Variants in PDE4D observed in about 807,000 individuals in gnomAD.
PDE4D encodes the protein 3',5'-cyclic-AMP phosphodiesterase 4D.
Under a neutral mutation model 87.4 loss-of-function variants are expected in PDE4D, and 24 were observed. That is an observed-to-expected ratio of 0.27 (90% CI 0.20 to 0.39). The LOEUF is 0.39. Ranked by LOEUF, PDE4D falls within the 10% of genes least tolerant of loss-of-function variation. The probability of loss-of-function intolerance (pLI) is 1.00; values close to 1 mark genes in which losing one functional copy is unlikely to be tolerated. For missense variants in PDE4D, 714 were observed against 1,041.0 expected (o/e 0.69, Z 4.32); for synonymous variants, 384 against 383.2 (o/e 1.00, Z -0.02).
intron 1 of PDE4D, among the ~76,000 whole-genome samples, chr5:59,744,535 C>T (rs1022514727): frequency 1.3e-5 from 2 of 152,106 alleles, no homozygotes; most frequent in African/African-American, 4.8e-5. Context: ...TAAACAAGCA[C>T]AAATATAGAA....
intron 1 of PDE4D, among the ~76,000 whole-genome samples, chr5:59,442,762 G>A (rs1797829966): frequency 6.6e-6 from 1 of 152,142 alleles, no homozygotes; most frequent in African/African-American, 2.4e-5. Flanking sequence ...GGTTCTTGTT[G>A]GGGAAATTTT....
At chr5:59,219,249 G>A (rs935265981) in intron 1 of PDE4D, among the ~76,000 whole-genome samples, 1 of 151,146 alleles carries the variant, frequency 6.6e-6, no homozygotes, top group South Asian at 2.1e-4. Flanking sequence ...TTGAATTTCC[G>A]TAACAAATCA....
intron 2 of PDE4D, among the ~76,000 whole-genome samples, chr5:59,990,519 A>G (rs548235598): frequency 1.5e-5 from 2 of 136,408 alleles, no homozygotes; most frequent in African/African-American, 2.6e-5. Flanking sequence ...ACAGAAGGGT[A>G]CTGAGAAGAT....
intron 1 of PDE4D, among the ~76,000 whole-genome samples, chr5:59,423,474 A>T (rs965147417): frequency 2.0e-5 from 3 of 152,112 alleles, no homozygotes; most frequent in Admixed American, 6.6e-5. Context: ...TTCTGAAACA[A>T]CTCTTTCCAT....
chr5:59,292,778 G>T (rs1044538182), intron 1 of PDE4D, among the ~76,000 whole-genome samples: 15 of 152,168 alleles, frequency 9.9e-5, no homozygotes, highest in South Asian at 4.2e-4. Flanking sequence ...CCCATGAGAC[G>T]CTCATAGGCT....
At chr5:59,144,966 T>C (rs1012485081) in intron 5 of PDE4D, among the ~76,000 whole-genome samples, 4 of 151,760 alleles carry the variant, frequency 2.6e-5, no homozygotes, top group African/African-American at 7.3e-5. Context: ...TTTAAAGGTA[T>C]GTTTAATATG....
intron 1 of PDE4D, among the ~76,000 whole-genome samples, chr5:60,279,959 C>T (rs537800393): frequency 6.6e-6 from 1 of 151,952 alleles, no homozygotes; most frequent in Non-Finnish European, 1.5e-5. Context: ...GGATTACAGG[C>T]GTGAGCCACC....
Position 59,906,085 on chromosome 5 carries a change from T to C in PDE4D, c.272+82403A>G, listed in dbSNP as rs530465246. ...GCTGCTGCAGTGGGCACTTCACTTA[T>C]GCGATGGCATTTGATAGCCATGGCC... On this transcript the variant is annotated intron_variant, in intron 3 of 16. Coordinates refer to the PDE4D transcript ENST00000502484. Among the ~76,000 whole-genome samples, 9 of 152,282 alleles carry C rather than the reference T, an allele frequency of 5.9e-5. No individual in the cohort carries two copies. In the South Asian group the frequency reaches 6.2e-4, roughly 11 times the overall value.
intron 1 of PDE4D, among the ~76,000 whole-genome samples, chr5:60,275,928 T>G (rs897138239): frequency 1.3e-5 from 2 of 152,198 alleles, no homozygotes; most frequent in Non-Finnish European, 2.9e-5. Context: ...TTCTAAATGT[T>G]TACAGATTTT....
At chr5:59,953,113 T>C (rs1035164273) in intron 3 of PDE4D, among the ~76,000 whole-genome samples, 17 of 152,104 alleles carry the variant, frequency 1.1e-4, no homozygotes, top group Non-Finnish European at 5.9e-5. Flanking sequence ...TTTCTTTAAC[T>C]GCTTTTCAAA....
intron 5 of PDE4D, among the ~76,000 whole-genome samples, chr5:59,044,240 T>C (rs1760240431): frequency 6.6e-6 from 1 of 152,000 alleles, no homozygotes; most frequent in Admixed American, 6.6e-5. Context: ...TTTTTAATGA[T>C]TGCCATTCTA....
chr5:59,643,357 C>G (rs1350381512), intron 1 of PDE4D, among the ~76,000 whole-genome samples: 1 of 152,110 alleles, frequency 6.6e-6, no homozygotes, highest in Non-Finnish European at 1.5e-5. Context: ...TGCACAGGCC[C>G]CCTCTTGAGT....
intron 1 of PDE4D, among the ~76,000 whole-genome samples, chr5:60,211,538 T>C (rs1481189491): frequency 1.3e-5 from 2 of 149,490 alleles, no homozygotes; most frequent in Non-Finnish European, 3.0e-5. Context: ...AAATGTTTAT[T>C]TGTATATATG....
intron 1 of PDE4D, among the ~76,000 whole-genome samples, chr5:59,632,497 G>A (rs1031213967): frequency 1.5e-4 from 23 of 152,280 alleles, no homozygotes; most frequent in Middle Eastern, 6.8e-3. Context: ...GGAGAGTTCT[G>A]GCTGGCATCT....
At chr5:59,772,406 C>T (rs1461714093) in intron 1 of PDE4D, among the ~76,000 whole-genome samples, 1 of 152,222 alleles carries the variant, frequency 6.6e-6, no homozygotes, top group Admixed American at 6.5e-5. Context: ...GATAAAGTCA[C>T]CCACGCCTAG....
At chr5:59,280,742 AG>A (rs952423140) in intron 1 of PDE4D, among the ~76,000 whole-genome samples, 3 of 152,118 alleles carry the variant, frequency 2.0e-5, no homozygotes, top group African/African-American at 7.2e-5. Context: ...GAAAGGTGAC[AG>A]TAAGTTCTAA....
intron 5 of PDE4D, among the ~76,000 whole-genome samples, chr5:59,060,405 A>C (rs1449961509): frequency 1.3e-5 from 2 of 152,144 alleles, no homozygotes; most frequent in Non-Finnish European, 2.9e-5. Context: ...CGCAAACACC[A>C]ATAACAAAAA....
chr5:60,322,407 C>CAA (rs1488074159), intron 1 of PDE4D, among the ~76,000 whole-genome samples: 47 of 129,566 alleles, frequency 3.6e-4, no homozygotes, highest in African/African-American at 1.4e-3. Context: ...CACACACACA[C>CAA]ACACACACAA....
At chr5:58,986,849 A>C (rs1561239417) in intron 11 of PDE4D, among the ~76,000 whole-genome samples, 1 of 152,140 alleles carries the variant, frequency 6.6e-6, no homozygotes. Context: ...CCTTTCTATC[A>C]GTTGTTTTAA....
Sources: gnomAD v4.1 joint callset for allele counts (sites outside exome capture counted in the v4.1 genomes callset) on GRCh38, gnomAD v4.1.1 for gene constraint, MANE v1.5 for transcripts, NCBI Gene and HGNC (gene_info 2026-07-23, HGNC 2026-07-21) for gene names.